Variants in ADCY7 observed in about 807,000 individuals in gnomAD.
ADCY7 encodes the protein adenylate cyclase 7.
ADCY7 carries 72 observed loss-of-function variants against 120.6 expected under a neutral mutation model. The ratio of observed to expected loss-of-function variants is 0.60; its 90% CI spans 0.49 to 0.73. ADCY7 has a LOEUF of 0.73. Among genes scored for constraint, ADCY7 ranks in the 30% least tolerant of loss-of-function variants. ADCY7 has a pLI of 0.00. For synonymous variants in ADCY7, 661 were observed against 628.0 expected (o/e 1.05, Z -0.78); for missense variants, 1,227 against 1,486.0 (o/e 0.83, Z 2.87).
At chr16:50,300,348 A>G (rs2035632716) in intron 8 of ADCY7, among the ~76,000 whole-genome samples, 1 of 149,820 alleles carries the variant, frequency 6.7e-6, no homozygotes, top group Admixed American at 6.6e-5. Flanking sequence ...CTGGGATTAC[A>G]GGCATGAGCC....
intron 1 of ADCY7, among the ~76,000 whole-genome samples, chr16:50,287,272 C>G (rs557887826): frequency 2.8e-4 from 42 of 152,034 alleles, no homozygotes; most frequent in African/African-American, 8.7e-4. Flanking sequence ...GCCTCGACCT[C>G]TCAAAGTGCT....
chr16:50,263,816 G>A (rs918272255), upstream of ADCY7, among the ~76,000 whole-genome samples: 5 of 151,568 alleles, frequency 3.3e-5, no homozygotes, highest in Admixed American at 1.3e-4. Context: ...CTCCCCCAGC[G>A]GCTCCATCTC....
In ADCY7 at chr16:50,313,984, C is replaced by A. The variant is rs183883756; in HGVS notation, c.2778C>A (p.Gly926=). 2.4e-5 allele frequency: 38 copies of A among 1,614,000 alleles called. No individual in the cohort carries two copies. In the East Asian group the frequency reaches 8.0e-4, roughly 34 times the overall value. ...DELLLKPKFS[G]VEKIKTIGST... is the part of the protein sequence containing the mutation. ...TCCTACTGAAGCCCAAGTTCAGCGG[C>A]GTGGAGAAGATCAAGACCATCGGCA... is the stretch of plus-strand genomic sequence containing the variant. Residue 926 remains glycine, a synonymous_variant, in exon 23 of 26, where the codon GGC becomes GGA. Coordinates refer to ENST00000673801, the MANE Select transcript of ADCY7 (RefSeq NM_001114.5).
Position 50,305,858 on chromosome 16 carries a change from C to A in ADCY7, c.1752+9C>A. On this transcript the variant is annotated intron_variant, in intron 14 of 25. Coordinates refer to ENST00000673801, the MANE Select transcript of ADCY7 (RefSeq NM_001114.5). Reference sequence around the variant, plus strand: ...AGGGCTTTGAGCGCGAGGTGAGGGCCCCCAGCAGCCTCCTCCGCAGAGGGA... The same window carrying A: ...AGGGCTTTGAGCGCGAGGTGAGGGCACCCAGCAGCCTCCTCCGCAGAGGGA... 6.2e-7 allele frequency: 1 copy of A among 1,613,428 alleles called. No homozygotes were observed. The highest frequency in any genetic ancestry group is 8.5e-7 in the Non-Finnish European group (1 of 1,179,806).
intron 1 of ADCY7, among the ~76,000 whole-genome samples, chr16:50,254,180 G>A (rs879196244): frequency 1.3e-5 from 2 of 152,144 alleles, no homozygotes; most frequent in East Asian, 1.9e-4. Flanking sequence ...AGGTTTTGAC[G>A]TTTCATTATG....
intron 13 of ADCY7, 92 bp downstream of exon 13, chr16:50,305,678 G>A (rs2036015380): frequency 1.3e-6 from 2 of 1,502,814 alleles, no homozygotes; most frequent in African/African-American, 1.4e-5. Flanking sequence ...CCCCATGCCT[G>A]GTGGCCCAGC....
intron 1 of ADCY7, among the ~76,000 whole-genome samples, chr16:50,276,356 G>A (rs2033890299): frequency 6.6e-6 from 1 of 152,198 alleles, no homozygotes; most frequent in Non-Finnish European, 1.5e-5. Context: ...TGAGGGGTGG[G>A]GACAGGTGCC....
At chr16:50,312,289 G>A (rs2036531543) in intron 21 of ADCY7, 98 bp downstream of exon 21, 18 of 1,392,146 alleles carry the variant, frequency 1.3e-5, no homozygotes, top group South Asian at 2.5e-5. Context: ...GCTGAGCTTG[G>A]CTTCCTCAGG....
In ADCY7 at chr16:50,307,158, G is replaced by A. The variant is rs747490857; in HGVS notation, c.1850+11G>A. ...CCTGCTCATGCCCAGGTCAGTTGCAGGGAGGGGTGTGGGGGTCCGGCCTGC... is the reference window on the plus strand; with the variant it reads ...CCTGCTCATGCCCAGGTCAGTTGCAAGGAGGGGTGTGGGGGTCCGGCCTGC... On this transcript the variant is annotated intron_variant, in intron 15 of 25. Transcript: ENST00000673801. 1.9e-6 allele frequency: 3 copies of A among 1,610,172 alleles called. No homozygotes were observed. Among genetic ancestry groups the A allele is most frequent in the Non-Finnish European group, 2.5e-6 (3 of 1,179,478 alleles).
chr16:50,265,485 A>G (rs564618029), upstream of ADCY7, among the ~76,000 whole-genome samples: 1 of 152,268 alleles, frequency 6.6e-6, no homozygotes, highest in African/African-American at 2.4e-5. Context: ...CCTGATCAGT[A>G]TGTGTGGGAT....
chr16:50,312,365 G>A (rs1043411604), intron 21 of ADCY7, among the ~76,000 whole-genome samples, 174 bp downstream of exon 21: 3 of 152,222 alleles, frequency 2.0e-5, no homozygotes, highest in African/African-American at 7.2e-5. Flanking sequence ...TGGGCCTGGG[G>A]TCAGGGACCT....
At chr16:50,273,052 G>T (rs1187488766) in intron 1 of ADCY7, among the ~76,000 whole-genome samples, 1 of 152,154 alleles carries the variant, frequency 6.6e-6, no homozygotes, top group East Asian at 1.9e-4. Context: ...AGGAAGTGAG[G>T]CTGAGACCCT....
At chr16:50,267,507 G>A (rs2033295449) in intron 1 of ADCY7, among the ~76,000 whole-genome samples, 1 of 152,102 alleles carries the variant, frequency 6.6e-6, no homozygotes. Context: ...TCCAAGGCCT[G>A]GACGGGCAGC....
Position 50,292,673 on chromosome 16 carries a change from C to A in ADCY7, c.538-3C>A. The A allele has an allele frequency of 6.2e-7, 1 of 1,613,540 alleles. No individual in the cohort carries two copies. Among genetic ancestry groups the A allele is most frequent in the Non-Finnish European group, 8.5e-7 (1 of 1,179,728 alleles). ...AATGAGCCAAACCCCTGTCTACCCG[C>A]AGCTGCTGGCCAACGCAGTCATCTT... On this transcript the variant is annotated splice_region_variant and splice_polypyrimidine_tract_variant and intron_variant, in intron 4 of 25. Coordinates refer to ENST00000673801, the MANE Select transcript of ADCY7 (RefSeq NM_001114.5).
chr16:50,250,687 C>T (rs2032733323), intron 1 of ADCY7, among the ~76,000 whole-genome samples: 1 of 151,958 alleles, frequency 6.6e-6, no homozygotes, highest in African/African-American at 2.4e-5. Flanking sequence ...TAAAGCACAT[C>T]AGTGGGATGG....
At position 50,297,388 on chromosome 16, in the gene ADCY7, A is replaced by T. The variant is rs1259187071; in HGVS notation, c.949-1516A>T. On this transcript the variant is annotated intron_variant, in intron 7 of 25. Transcript: ENST00000673801. The surrounding 1 kb of genome is among the most constrained non-coding windows in gnomAD (Gnocchi z 4.4). Reference sequence around the variant, plus strand: ...GAATGTGGCCTCTCCTACATCCCCGAGAGCTGGGCTGGGTCCATGGGCAGT... The same window carrying T: ...GAATGTGGCCTCTCCTACATCCCCGTGAGCTGGGCTGGGTCCATGGGCAGT... Among the ~76,000 whole-genome samples, 2 of 152,162 alleles carry T rather than the reference A, an allele frequency of 1.3e-5. No individual in the cohort carries two copies. The highest frequency in any genetic ancestry group is 4.8e-5 in the African/African-American group (2 of 41,444).
Position 50,301,208 on chromosome 16 carries a change from C to A in ADCY7, c.1362C>A (p.Asp454Glu), listed in dbSNP as rs770809903. The A allele has an allele frequency of 5.7e-6, 9 of 1,590,288 alleles. No homozygotes were observed. The highest frequency in any genetic ancestry group is 6.0e-6 in the Non-Finnish European group (7 of 1,168,654). Residue 454 changes from aspartate (D) to glutamate (E), a missense_variant, in exon 10 of 26, where the codon GAC becomes GAA. Around this residue, in one of 5 missense-constraint regions of ADCY7, gnomAD observed 332 missense variants for 455.8 expected, o/e 0.73. Coordinates refer to ENST00000673801, the MANE Select transcript of ADCY7 (RefSeq NM_001114.5). ...ACATCCGCACCTACCTGGTCATCGACCCCCGGGTACGAGGGCTCAGAGGCC... is the reference window on the plus strand; with the variant it reads ...ACATCCGCACCTACCTGGTCATCGAACCCCGGGTACGAGGGCTCAGAGGCC... ...EMNIRTYLVI[D>E]PRSQQPPPPS... is the part of the protein sequence containing the mutation.
At position 50,312,959 on chromosome 16, in the gene ADCY7, T is replaced by C. The variant is rs2036568546; in HGVS notation, c.2674T>C (p.Tyr892His). 6.2e-7 allele frequency: 1 copy of C among 1,614,102 alleles called. No individual in the cohort carries two copies. The highest frequency in any genetic ancestry group is 1.3e-5 in the African/African-American group (1 of 74,942). Residue 892 changes from tyrosine (Y) to histidine (H), a missense_variant, in exon 22 of 26, where the codon TAC becomes CAC. Physicochemically the swap from Tyr to His is moderately conservative, Grantham distance 83. Around this residue, in one of 5 missense-constraint regions of ADCY7, gnomAD observed 244 missense variants for 332.8 expected, o/e 0.73. Transcript: ENST00000673801. Reference sequence around the variant, plus strand: ...CTCCGTGCCGGACTTCAAAGTGTTCTACACAGAGTGCGATGTCAACAAAGA... The same window carrying C: ...CTCCGTGCCGGACTTCAAAGTGTTCCACACAGAGTGCGATGTCAACAAAGA... ...FASVPDFKVF[Y>H]TECDVNKEGL...
intron 1 of ADCY7, among the ~76,000 whole-genome samples, chr16:50,258,617 A>G (rs975143466): frequency 2.8e-4 from 39 of 141,434 alleles, no homozygotes; most frequent in African/African-American, 9.8e-4. Context: ...TTTTTGAAAC[A>G]TGGTCCCTCT....
Sources: gnomAD v4.1 joint callset for allele counts (sites outside exome capture counted in the v4.1 genomes callset) on GRCh38, gnomAD v4.1.1 for gene constraint, gnomAD v4.1.1 regional missense constraint, Gnocchi (gnomAD v3.1) non-coding constraint, MANE v1.5 for transcripts, NCBI Gene and HGNC (gene_info 2026-07-23, HGNC 2026-07-21) for gene names.